The following EPC2 variants were observed in gnomAD, a reference collection of about 807,000 sequenced individuals.
EPC2 encodes the protein enhancer of polycomb 2.
In EPC2, 14 loss-of-function variants were observed where a neutral mutation model predicts 92.1. The observed-to-expected ratio is 0.15, with a 90% CI of 0.10 to 0.24. The LOEUF (loss-of-function observed/expected upper bound fraction) is 0.24, where lower values mean the gene tolerates loss of function less well. Among genes scored for constraint, EPC2 ranks in the 10% least tolerant of loss-of-function variants. The pLI is 1.00. For missense variants in EPC2, 755 were observed against 971.5 expected (o/e 0.78, Z 2.96); for synonymous variants, 340 against 334.7 (o/e 1.02, Z -0.17).
intron 2 of EPC2, among the ~76,000 whole-genome samples, chr2:148,722,155 G>A (rs942151531): frequency 6.6e-6 from 1 of 152,088 alleles, no homozygotes; most frequent in Non-Finnish European, 1.5e-5. Context: ...CGGTTTTATG[G>A]TGTGTTTTGT....
At chr2:148,724,181 C>G (rs1452475488) in intron 2 of EPC2, among the ~76,000 whole-genome samples, 1 of 151,930 alleles carries the variant, frequency 6.6e-6, no homozygotes, top group Non-Finnish European at 1.5e-5. Context: ...TGTATGCTCC[C>G]TAAGGATTAA....
chr2:148,664,564 C>T (rs1028397617), intron 1 of EPC2, among the ~76,000 whole-genome samples: 1 of 152,180 alleles, frequency 6.6e-6, no homozygotes, highest in Non-Finnish European at 1.5e-5. Flanking sequence ...TTCAAGTGTG[C>T]AATTTGTTGT....
chr2:148,683,569 T>C (rs1266070511), intron 1 of EPC2, among the ~76,000 whole-genome samples: 1 of 152,074 alleles, frequency 6.6e-6, no homozygotes, highest in African/African-American at 2.4e-5. Context: ...CCTGGCCCAT[T>C]ATATCATTCT....
Position 148,764,975 on chromosome 2 carries a change from G to T in EPC2, c.969G>T (p.Leu323Phe). 6.4e-7 allele frequency: 1 copy of T among 1,568,166 alleles called. No homozygotes were observed. Among genetic ancestry groups the T allele is most frequent in the Non-Finnish European group, 8.6e-7 (1 of 1,159,898 alleles). ...CKTKHPHHLS[L>F]KEEASDVVRQ... ...AACAGCACCCTCATCATTTGTCTTTGAAAGAAGAGGCTTCTGATGTGGTTC... is the reference window on the plus strand; with the variant it reads ...AACAGCACCCTCATCATTTGTCTTTTAAAGAAGAGGCTTCTGATGTGGTTC... Residue 323 changes from leucine (L) to phenylalanine (F), a missense_variant, in exon 7 of 14, where the codon TTG becomes TTT. Physicochemically the swap from Leu to Phe is conservative, Grantham distance 22 (BLOSUM62 0). This residue lies in a region of EPC2 where 509 missense variants were observed against 607.7 expected (regional missense o/e 0.84). Coordinates refer to ENST00000258484, the MANE Select transcript of EPC2 (RefSeq NM_015630.4).
intron 1 of EPC2, among the ~76,000 whole-genome samples, chr2:148,683,839 A>T (rs533574716): frequency 6.6e-6 from 1 of 152,298 alleles, no homozygotes; most frequent in East Asian, 1.9e-4. Context: ...AATGCGTGCA[A>T]GTGTCTTTTT....
At chr2:148,721,710 T>C (rs1682376683) in intron 2 of EPC2, among the ~76,000 whole-genome samples, 1 of 129,714 alleles carries the variant, frequency 7.7e-6, no homozygotes, top group South Asian at 3.1e-4. Context: ...TTCTGTTTTA[T>C]TCTTTTTTTT....
rs1683508247 is a variant in EPC2 at position 148,771,144 on chromosome 2, T to G, written c.1477T>G (p.Phe493Val). Residue 493 changes from phenylalanine (F) to valine (V), a missense_variant, in exon 10 of 14, where the codon TTT (phenylalanine) becomes GTT (valine). Coordinates refer to ENST00000258484, the MANE Select transcript of EPC2 (RefSeq NM_015630.4). ...TTCAAGCTCTTCCCAAACTATAGAC[T>G]TTTCTTCTAATTTCTCTCGGACCAA... ...SFSSSSQTID[F>V]SSNFSRTNAS... The G allele has an allele frequency of 5.0e-6, 8 of 1,613,898 alleles. No individual in the cohort carries two copies. Among genetic ancestry groups the G allele is most frequent in the Non-Finnish European group, 6.8e-6 (8 of 1,179,888 alleles).
chr2:148,701,266 T>C (rs1208763535), intron 2 of EPC2, among the ~76,000 whole-genome samples: 1 of 152,228 alleles, frequency 6.6e-6, no homozygotes, highest in Non-Finnish European at 1.5e-5. Context: ...TTTTCTTGTC[T>C]TATTGCATTA....
At chr2:148,780,266 A>AT (rs1195743725) in intron 10 of EPC2, among the ~76,000 whole-genome samples, 1 of 152,142 alleles carries the variant, frequency 6.6e-6, no homozygotes, top group African/African-American at 2.4e-5. Flanking sequence ...TTTTCCCCTT[A>AT]TAGTCCAATA....
intron 2 of EPC2, among the ~76,000 whole-genome samples, chr2:148,699,000 C>T (rs182113432): frequency 2.2e-4 from 33 of 151,902 alleles, no homozygotes; most frequent in South Asian, 4.2e-4. Flanking sequence ...TATATCCTTC[C>T]GTAGTCAGCA....
chr2:148,756,830 C>T (rs921692752), intron 4 of EPC2, among the ~76,000 whole-genome samples: 3 of 152,178 alleles, frequency 2.0e-5, no homozygotes, highest in African/African-American at 7.2e-5. Context: ...ATAACAGTCA[C>T]CTGTGAATCA....
At chr2:148,750,735 T>C (rs1009199696) in intron 3 of EPC2, among the ~76,000 whole-genome samples, 1 of 152,126 alleles carries the variant, frequency 6.6e-6, no homozygotes, top group African/African-American at 2.4e-5. Context: ...CATTCATTCT[T>C]GAAGAGTATA....
At chr2:148,764,265 T>C (rs1191855319) in intron 6 of EPC2, among the ~76,000 whole-genome samples, 1 of 152,176 alleles carries the variant, frequency 6.6e-6, no homozygotes, top group East Asian at 1.9e-4. Context: ...TTTCCGACTT[T>C]TAAAGTGCTA....
chr2:148,756,067 G>A (rs529681086), intron 4 of EPC2, among the ~76,000 whole-genome samples: 1 of 152,328 alleles, frequency 6.6e-6, no homozygotes, highest in South Asian at 2.1e-4. Flanking sequence ...TATTTTCTGA[G>A]TGTTAAAATA....
At chr2:148,727,554 A>T (rs1682523670) in intron 2 of EPC2, among the ~76,000 whole-genome samples, 1 of 152,172 alleles carries the variant, frequency 6.6e-6, no homozygotes, top group Admixed American at 6.5e-5. Flanking sequence ...ATGCCATTAG[A>T]TGTTCTTAGT....
At chr2:148,780,593 A>G (rs964948151) in intron 10 of EPC2, among the ~76,000 whole-genome samples, 2 of 152,096 alleles carry the variant, frequency 1.3e-5, no homozygotes, top group African/African-American at 4.8e-5. Flanking sequence ...TTTCTTCCCA[A>G]CTACATTCCA....
At chr2:148,646,052 G>A (rs1193690923) in intron 1 of EPC2, among the ~76,000 whole-genome samples, 1 of 152,184 alleles carries the variant, frequency 6.6e-6, no homozygotes, top group African/African-American at 2.4e-5. Flanking sequence ...CAGACGGTTG[G>A]ATTTCATCTG....
At chr2:148,754,551 A>G (rs956363586) in intron 4 of EPC2, among the ~76,000 whole-genome samples, 2 of 152,112 alleles carry the variant, frequency 1.3e-5, no homozygotes, top group African/African-American at 4.8e-5. Context: ...TACTACTACT[A>G]TTCCTTGTTG....
At chr2:148,646,435 T>C (rs930030524) in intron 1 of EPC2, among the ~76,000 whole-genome samples, 14 of 152,248 alleles carry the variant, frequency 9.2e-5, no homozygotes, top group African/African-American at 3.4e-4. Flanking sequence ...AGCATCGGGA[T>C]GAACTTAACT....
Sources: allele counts gnomAD v4.1 joint callset (sites outside exome capture counted in the v4.1 genomes callset), GRCh38; gene constraint gnomAD v4.1.1; regional missense constraint gnomAD v4.1.1; transcripts MANE v1.5; gene names NCBI Gene and HGNC (gene_info 2026-07-23, HGNC 2026-07-21).